Variants in SLC22A9 observed in about 807,000 individuals in gnomAD.
The protein encoded by SLC22A9 is solute carrier family 22 member 9.
SLC22A9 carries 64 observed loss-of-function variants against 50.1 expected under a neutral mutation model. The ratio of observed to expected loss-of-function variants is 1.28; its 90% CI spans 1.04 to 1.57. The LOEUF is 1.57. Among genes scored for constraint, SLC22A9 ranks in the 40% most tolerant of loss-of-function variants. The pLI, the probability that SLC22A9 is intolerant of heterozygous loss-of-function variation, is 0.00. For missense variants in SLC22A9, 757 were observed against 676.1 expected, an observed-to-expected ratio of 1.12 and a Z score of -1.33; for synonymous variants, 261 against 242.5, an observed-to-expected ratio of 1.08 and a Z score of -0.71.
chr11:63,383,587 A>G (rs1451911990), intron 6 of SLC22A9, among the ~76,000 whole-genome samples: 2 of 152,160 alleles, frequency 1.3e-5, no homozygotes, highest in Non-Finnish European at 2.9e-5. Flanking sequence ...TGTTTCTTCA[A>G]ATGTGCATAC....
At chr11:63,386,301 G>T (rs1167049169) in intron 6 of SLC22A9, among the ~76,000 whole-genome samples, 1 of 152,052 alleles carries the variant, frequency 6.6e-6, no homozygotes, top group East Asian at 1.9e-4. Context: ...AGGTTAGCAT[G>T]ATGCTGGCCT....
At chr11:63,403,807 A>G (rs1335207837) in intron 6 of SLC22A9, among the ~76,000 whole-genome samples, 1 of 152,008 alleles carries the variant, frequency 6.6e-6, no homozygotes, top group Non-Finnish European at 1.5e-5. Flanking sequence ...TATCATTATC[A>G]AAAATAAATA....
intron 6 of SLC22A9, among the ~76,000 whole-genome samples, chr11:63,401,995 TAG>T (rs1416461197): frequency 6.6e-6 from 1 of 152,106 alleles, no homozygotes; most frequent in Non-Finnish European, 1.5e-5. Flanking sequence ...GAGTCCCACA[TAG>T]AGTCCAAACA....
At chr11:63,396,544 T>A (rs1396019468) in intron 6 of SLC22A9, among the ~76,000 whole-genome samples, 1 of 152,152 alleles carries the variant, frequency 6.6e-6, no homozygotes, top group Non-Finnish European at 1.5e-5. Flanking sequence ...GTATTTGGGA[T>A]ATCTCCTGGC....
At chr11:63,397,912 G>A (rs1238345535) in intron 6 of SLC22A9, among the ~76,000 whole-genome samples, 1 of 152,042 alleles carries the variant, frequency 6.6e-6, no homozygotes, top group East Asian at 1.9e-4. Context: ...GCAAGACGAA[G>A]CCTCCTTTAA....
intron 5 of SLC22A9, among the ~76,000 whole-genome samples, chr11:63,379,044 AAG>A (rs2119891922): frequency 6.6e-6 from 1 of 152,296 alleles, no homozygotes; most frequent in South Asian, 2.1e-4. Context: ...AACAAAAAAA[AAG>A]AGTTTGAATA....
At chr11:63,405,369 T>G (rs2015019322) in intron 6 of SLC22A9, among the ~76,000 whole-genome samples, 1 of 152,190 alleles carries the variant, frequency 6.6e-6, no homozygotes, top group Non-Finnish European at 1.5e-5. Context: ...GACTAAGCCC[T>G]GCTGTGCTGT....
intron 4 of SLC22A9, 27 bp from the exon 5 acceptor site, chr11:63,375,618 T>C: frequency 6.2e-7 from 1 of 1,601,298 alleles, no homozygotes; most frequent in Non-Finnish European, 8.5e-7. Context: ...GAAAGTCGAC[T>C]GCCCCTCTGT....
chr11:63,382,183 G>T lies in SLC22A9; in HGVS notation c.979G>T (p.Glu327Ter). The T allele has an allele frequency of 1.2e-6, 2 of 1,600,108 alleles. No individual in the cohort carries two copies. Among genetic ancestry groups the T allele is most frequent in the Non-Finnish European group, 1.7e-6 (2 of 1,174,976 alleles). ...LEILKSTMKK[E>*]LEAAQKKKPS... ...GATTTTGAAATCCACCATGAAAAAAGAACTGGAGGCAGCACAAAAAAAAAA... is the reference window on the plus strand; with the variant it reads ...GATTTTGAAATCCACCATGAAAAAATAACTGGAGGCAGCACAAAAAAAAAA... The change falls in exon 6 of 10, where the codon GAA (glutamate) becomes TAA (stop). Residue 327 changes from glutamate (E) to a stop codon, truncating the protein, a stop_gained. Transcript: ENST00000279178. LOFTEE classifies it high-confidence loss of function.
At chr11:63,386,463 T>TTTTTTTTTA in intron 6 of SLC22A9, among the ~76,000 whole-genome samples, 1 of 110,752 alleles carries the variant, frequency 9.0e-6, no homozygotes, top group Non-Finnish European at 2.0e-5. Context: ...TTTTTTTTTT[T>TTTTTTTTTA]TTTTTGGTAA....
Position 63,381,896 on chromosome 11 carries a change from A to G in SLC22A9, c.955-263A>G, listed in dbSNP as rs566955929. Among the ~76,000 whole-genome samples, 254 of 152,262 alleles carry G rather than the reference A, an allele frequency of 1.7e-3. 1 individual carries two copies. The highest frequency in any genetic ancestry group is 5.6e-3 in the African/African-American group (231 of 41,564). On this transcript the variant is annotated intron_variant, in intron 5 of 9. Coordinates refer to ENST00000279178, the MANE Select transcript of SLC22A9 (RefSeq NM_080866.3). ...CCCCATCATGGTCTGATTCTCTAAC[A>G]TACATACCCTTTTCAATGCTCTGTA... is the stretch of plus-strand genomic sequence containing the variant.
In SLC22A9 at chr11:63,410,257, A is replaced by AGAAGGAAAGAAAG. The variant is rs1555017440; in HGVS notation, c.*395_*396insGAAGGAAAGAAAG. 6 of 108,488 alleles carry AGAAGGAAAGAAAG rather than the reference A, an allele frequency of 5.5e-5. No individual in the cohort carries two copies. Among genetic ancestry groups the AGAAGGAAAGAAAG allele is most frequent in the Admixed American group, 1.1e-4 (1 of 8,716 alleles). 6.7% of individuals were successfully genotyped at this position (108,488 alleles called of 1,614,324 possible). On this transcript the variant is annotated 3_prime_UTR_variant, in exon 10 of 10. Coordinates refer to ENST00000279178, the MANE Select transcript of SLC22A9 (RefSeq NM_080866.3). ...CTGTCTCAAAAAAAAAAAAAAAAAA[A>AGAAGGAAAGAAAG]AAAGAAAGAAGGAAAGAAAGAAAGA...
Position 63,369,864 on chromosome 11 carries a change from C to A in SLC22A9, c.-193C>A. 1.9e-6 allele frequency: 1 copy of A among 535,442 alleles called. No individual in the cohort carries two copies. The highest frequency in any genetic ancestry group is 3.3e-5 in the South Asian group (1 of 30,544). 33.2% of individuals were successfully genotyped at this position (535,442 alleles called of 1,614,324 possible). A position where few individuals can be genotyped will look rare whatever the true frequency, so the allele number is the denominator to read the frequency against. ...GACTTTAGAGAAAACGGCTACCTATCTGACCCCAAAACGACTTGAGGAAAC... is the reference window on the plus strand; with the variant it reads ...GACTTTAGAGAAAACGGCTACCTATATGACCCCAAAACGACTTGAGGAAAC... On this transcript the variant is annotated 5_prime_UTR_variant, in exon 1 of 10. It adds an upstream start codon to the 5' untranslated region. Coordinates refer to ENST00000279178, the MANE Select transcript of SLC22A9 (RefSeq NM_080866.3).
At chr11:63,407,492 G>T (rs1375904822) in intron 7 of SLC22A9, among the ~76,000 whole-genome samples, 1 of 152,120 alleles carries the variant, frequency 6.6e-6, no homozygotes, top group Non-Finnish European at 1.5e-5. Context: ...ATGTCATGAG[G>T]CTATGACAGG....
intron 6 of SLC22A9, among the ~76,000 whole-genome samples, chr11:63,389,870 C>T (rs2014732606): frequency 6.6e-6 from 1 of 152,162 alleles, no homozygotes; most frequent in African/African-American, 2.4e-5. Context: ...TAATGATCAC[C>T]ATTCTAACTG....
chr11:63,402,168 T>G (rs1285298804), intron 6 of SLC22A9, among the ~76,000 whole-genome samples: 2 of 152,076 alleles, frequency 1.3e-5, no homozygotes, highest in African/African-American at 2.4e-5. Context: ...TTTGGAGTCT[T>G]TATCATAAAA....
chr11:63,389,372 C>T (rs1177602277), intron 6 of SLC22A9, among the ~76,000 whole-genome samples: 1 of 151,724 alleles, frequency 6.6e-6, no homozygotes. Context: ...TGATGTTCCC[C>T]TCCCTGTGTC....
At chr11:63,403,374 A>G (rs1166692758) in intron 6 of SLC22A9, among the ~76,000 whole-genome samples, 1 of 152,094 alleles carries the variant, frequency 6.6e-6, no homozygotes, top group African/African-American at 2.4e-5. Context: ...TGTATCTTGC[A>G]TACCATCCCT....
chr11:63,396,824 G>A (rs72928241), intron 6 of SLC22A9, among the ~76,000 whole-genome samples: 6,183 of 152,130 alleles, frequency 0.041, 194 homozygotes, highest in Non-Finnish European at 0.063. Context: ...TGAATTCTCT[G>A]TGTGAAAGGT....
Sources: gnomAD v4.1 joint callset for allele counts (sites outside exome capture counted in the v4.1 genomes callset) on GRCh38, gnomAD v4.1.1 for gene constraint, MANE v1.5 for transcripts, NCBI Gene and HGNC (gene_info 2026-07-23, HGNC 2026-07-21) for gene names.